Variants in SLC4A4 observed in about 807,000 individuals in gnomAD.
SLC4A4 encodes the protein electrogenic sodium bicarbonate cotransporter 1.
Under a neutral mutation model 111.5 loss-of-function variants are expected in SLC4A4, and 27 were observed. The ratio of observed to expected loss-of-function variants is 0.24; its 90% confidence interval spans 0.18 to 0.33. SLC4A4 has a LOEUF of 0.33. Among genes scored for constraint, SLC4A4 ranks in the 10% least tolerant of loss-of-function variants. The pLI is 1.00. For missense variants in SLC4A4, 909 were observed against 1,315.5 expected (o/e 0.69, Z 4.78); for synonymous variants, 443 against 463.4 (o/e 0.96, Z 0.57).
chr4:71,102,029 A>AT (rs1362283804), intron 2 of SLC4A4, among the ~76,000 whole-genome samples: 1 of 150,288 alleles, frequency 6.7e-6, no homozygotes, highest in Non-Finnish European at 1.5e-5. Flanking sequence ...TTGAAAAAAA[A>AT]TTAGAAGAAT....
chr4:71,327,145 C>T (rs1727564510), intron 3 of SLC4A4, among the ~76,000 whole-genome samples: 1 of 151,824 alleles, frequency 6.6e-6, no homozygotes, highest in South Asian at 2.1e-4. Flanking sequence ...TTTTGGAAGC[C>T]TGCAGGGTGG....
At chr4:71,384,790 C>T (rs951387782) in intron 6 of SLC4A4, among the ~76,000 whole-genome samples, 1 of 151,530 alleles carries the variant, frequency 6.6e-6, no homozygotes, top group Non-Finnish European at 1.5e-5. Context: ...CTACAAAAAC[C>T]TATTTTTGTA....
chr4:71,304,951 A>G (rs1725565758), intron 3 of SLC4A4, among the ~76,000 whole-genome samples: 1 of 152,250 alleles, frequency 6.6e-6, no homozygotes, highest in Non-Finnish European at 1.5e-5. Flanking sequence ...ACTGCAATTA[A>G]TAGAAGTTAT....
chr4:71,294,017 G>A (rs928853199), intron 3 of SLC4A4, among the ~76,000 whole-genome samples: 2 of 152,216 alleles, frequency 1.3e-5, no homozygotes, highest in South Asian at 4.1e-4. Flanking sequence ...AAAAAGTGAA[G>A]GTCTTCAGTT....
intron 6 of SLC4A4, among the ~76,000 whole-genome samples, chr4:71,361,807 AT>A (rs1481421308): frequency 6.6e-6 from 1 of 152,258 alleles, no homozygotes; most frequent in East Asian, 1.9e-4. Context: ...TATTTAAAAA[AT>A]AAACATGTAT....
chr4:71,374,369 A>G (rs995155368), intron 6 of SLC4A4, among the ~76,000 whole-genome samples: 1 of 152,184 alleles, frequency 6.6e-6, no homozygotes, highest in African/African-American at 2.4e-5. Context: ...GTAGCTTTTC[A>G]TAGTCACAAT....
At chr4:71,163,266 G>A (rs1578539886) in intron 2 of SLC4A4, among the ~76,000 whole-genome samples, 1 of 152,184 alleles carries the variant, frequency 6.6e-6, no homozygotes, top group East Asian at 1.9e-4. Context: ...ATGGGAGTGT[G>A]CACTTCATGG....
chr4:71,519,090 A>G (rs1361547241), intron 16 of SLC4A4, among the ~76,000 whole-genome samples: 1 of 152,066 alleles, frequency 6.6e-6, no homozygotes, highest in Non-Finnish European at 1.5e-5. Context: ...TCTTATTTCT[A>G]TGTTAATCTG....
At chr4:71,533,801 T>G (rs1734155440) in intron 17 of SLC4A4, among the ~76,000 whole-genome samples, 1 of 152,136 alleles carries the variant, frequency 6.6e-6, no homozygotes, top group African/African-American at 2.4e-5. Context: ...TTCATGGTGA[T>G]TTGGTAATTT....
chr4:71,387,764 A>G (rs780277113), intron 6 of SLC4A4, among the ~76,000 whole-genome samples: 6 of 152,180 alleles, frequency 3.9e-5, no homozygotes, highest in Non-Finnish European at 8.8e-5. Flanking sequence ...AAGCGCTGGG[A>G]TTACAAGTGT....
chr4:71,325,547 A>C (rs573143011), intron 3 of SLC4A4, among the ~76,000 whole-genome samples: 1 of 152,118 alleles, frequency 6.6e-6, no homozygotes, highest in African/African-American at 2.4e-5. Context: ...CTCTTCCCTT[A>C]GAGTTGCAAG....
chr4:71,230,880 C>T (rs557671636), intron 1 of SLC4A4, among the ~76,000 whole-genome samples: 5 of 152,296 alleles, frequency 3.3e-5, no homozygotes, highest in African/African-American at 9.6e-5. Flanking sequence ...GTACCGCAGT[C>T]GCTTTCATCC....
At chr4:71,344,090 A>G (rs1488906428) in intron 4 of SLC4A4, among the ~76,000 whole-genome samples, 1 of 152,020 alleles carries the variant, frequency 6.6e-6, no homozygotes, top group Non-Finnish European at 1.5e-5. Context: ...AGCATACCAT[A>G]TATCTTGTTA....
chr4:71,118,770 C>G (rs1430967876), intron 2 of SLC4A4, among the ~76,000 whole-genome samples: 1 of 152,114 alleles, frequency 6.6e-6, no homozygotes, highest in Non-Finnish European at 1.5e-5. Flanking sequence ...TTTATATTCA[C>G]ACTCTGTAAC....
intron 3 of SLC4A4, among the ~76,000 whole-genome samples, chr4:71,314,512 C>T (rs899172005): frequency 5.9e-5 from 9 of 152,252 alleles, no homozygotes; most frequent in African/African-American, 1.7e-4. Context: ...AACTTGGAAC[C>T]AACCCAAATG....
At position 71,230,118 on chromosome 4, in the gene SLC4A4, C is replaced by T. The variant is rs149318737; in HGVS notation, c.-1-6458C>T. On this transcript the variant is annotated intron_variant, in intron 1 of 25. Coordinates refer to ENST00000264485, the MANE Select transcript of SLC4A4 (RefSeq NM_001098484.3). ...GCAAATGGTTTATAATGGAAATAGT[C>T]CCCCACTTCTTAAACATGATTTGAA... Among the ~76,000 whole-genome samples the T allele has an allele frequency of 2.3e-4, 35 of 152,192 alleles. No individual in the cohort carries two copies. In the East Asian group the frequency reaches 6.2e-3, roughly 27 times the overall value.
intron 3 of SLC4A4, among the ~76,000 whole-genome samples, chr4:71,259,699 A>G (rs1721708456): frequency 1.3e-5 from 2 of 152,012 alleles, no homozygotes; most frequent in Non-Finnish European, 1.5e-5. Flanking sequence ...GTGGGTGGGA[A>G]GGTGGTCCTG....
intron 2 of SLC4A4, among the ~76,000 whole-genome samples, chr4:71,140,978 A>G (rs1243270792): frequency 6.6e-6 from 1 of 152,252 alleles, no homozygotes; most frequent in Non-Finnish European, 1.5e-5. Flanking sequence ...TAACATATCC[A>G]TTACCTCAAA....
At chr4:71,383,788 T>C (rs1718396822) in intron 6 of SLC4A4, among the ~76,000 whole-genome samples, 1 of 152,224 alleles carries the variant, frequency 6.6e-6, no homozygotes, top group Non-Finnish European at 1.5e-5. Context: ...TTTTTCATGA[T>C]ATTAATAACA....
Sources: gnomAD v4.1 joint callset for allele counts (sites outside exome capture counted in the v4.1 genomes callset) on GRCh38, gnomAD v4.1.1 for gene constraint, MANE v1.5 for transcripts, NCBI Gene and HGNC (gene_info 2026-07-23, HGNC 2026-07-21) for gene names.